ZNF276: variants seen among roughly 807,000 people sequenced by gnomAD.
The protein encoded by ZNF276 is zinc finger protein 276.
ZNF276 carries 59 observed loss-of-function variants against 63.9 expected under a neutral mutation model. The observed-to-expected ratio is 0.92, with a 90% CI of 0.75 to 1.15. The LOEUF (loss-of-function observed/expected upper bound fraction) is 1.15, where lower values mean the gene tolerates loss of function less well. ZNF276 is among the 50% of genes most tolerant of loss of function. The pLI is 0.00. For missense variants in ZNF276, 1,084 were observed against 843.8 expected, an observed-to-expected ratio of 1.28 and a Z score of -3.53; for synonymous variants, 496 against 348.4, an observed-to-expected ratio of 1.42 and a Z score of -4.72.
chr16:89,722,894 T>C (rs1851319193), intron 2 of ZNF276, 60 bp downstream of exon 2: 1 of 1,570,056 alleles, frequency 6.4e-7, no homozygotes, highest in Non-Finnish European at 8.6e-7. Flanking sequence ...TGACGGGTGT[T>C]GAGAGAGGGA....
chr16:89,727,065 G>A (rs112341340), intron 4 of ZNF276, among the ~76,000 whole-genome samples: 4,107 of 152,328 alleles, frequency 0.027, 201 homozygotes, highest in African/African-American at 0.094. Context: ...TCTGATGCTT[G>A]TTGCTGCCTG....
At position 89,722,701 on chromosome 16, in the gene ZNF276, C is replaced by A. The variant is rs149625581; in HGVS notation, c.376C>A (p.Arg126Ser). The A allele has an allele frequency of 6.2e-7, 1 of 1,612,364 alleles. No homozygotes were observed. Among genetic ancestry groups the A allele is most frequent in the South Asian group, 1.1e-5 (1 of 91,088 alleles). Residue 126 changes from arginine (R) to serine (S), a missense_variant, in exon 2 of 11, where the codon CGC becomes AGC. Physicochemically the swap from Arg to Ser is moderately radical, Grantham distance 110. Coordinates refer to ENST00000443381, the MANE Select transcript of ZNF276 (RefSeq NM_001113525.2). ...DFQRLLGVAV[R>S]QDPTLSPFVC... The stretch of plus-strand genomic sequence containing the variant: ...CCAGCGCCTGCTTGGTGTGGCTGTC[C>A]GCCAGGACCCCACCTTGTCTCCGTT...
chr16:89,727,564 G>T (rs997743595), intron 5 of ZNF276, among the ~76,000 whole-genome samples: 1 of 152,172 alleles, frequency 6.6e-6, no homozygotes, highest in Non-Finnish European at 1.5e-5. Flanking sequence ...GTTGGGACAC[G>T]CCTCCTCTCG....
rs1485318540 is a variant in ZNF276, at chr16:89,725,134, C to T, written c.1006+1425C>T. 8.2e-4 allele frequency among the ~76,000 whole-genome samples: 110 copies of T among 133,932 alleles called. No homozygotes were observed. In the Middle Eastern group the frequency reaches 0.023, roughly 28 times the overall value. The allele number at this position is 133,932 out of a possible 152,430, so 87.9% of individuals were successfully genotyped here. ...TCACCATGTGGGCCAGGCTTGGTCT[C>T]GAACTCCTGACCTCGTGATCCACCT... On this transcript the variant is annotated intron_variant, in intron 4 of 10. Transcript: ENST00000443381.
intron 4 of ZNF276, among the ~76,000 whole-genome samples, chr16:89,726,011 G>A (rs953526244): frequency 2.0e-5 from 3 of 152,030 alleles, no homozygotes; most frequent in South Asian, 2.1e-4. Flanking sequence ...AGGCCTGGCC[G>A]AGAGAACAGT....
intron 6 of ZNF276, 119 bp downstream of exon 6, chr16:89,729,437 G>A (rs537081606): frequency 4.9e-5 from 45 of 909,490 alleles, no homozygotes; most frequent in East Asian, 2.0e-4. Flanking sequence ...CGGATCTCCC[G>A]AGCCCAGTGA....
intron 9 of ZNF276, 127 bp from the exon 10 acceptor site, chr16:89,737,679 G>T (rs762137538): frequency 1.2e-5 from 18 of 1,533,918 alleles, no homozygotes; most frequent in Non-Finnish European, 1.5e-5. Context: ...CCCTTGCTTG[G>T]GCCCACTGCA....
chr16:89,725,306 C>T (rs1038189653), intron 4 of ZNF276, among the ~76,000 whole-genome samples: 2 of 151,316 alleles, frequency 1.3e-5, no homozygotes, highest in South Asian at 2.1e-4. Flanking sequence ...CTCAGCCTCC[C>T]GAGTAGCTGG....
rs1419009853 is a variant in ZNF276 at position 89,739,420 on chromosome 16, T to C, written c.*1174T>C. The C allele has an allele frequency of 6.4e-7, 1 of 1,553,478 alleles. No homozygotes were observed. Among genetic ancestry groups the C allele is most frequent in the African/African-American group, 1.4e-5 (1 of 73,414 alleles). On this transcript the variant is annotated 3_prime_UTR_variant, in exon 11 of 11. Coordinates refer to ENST00000443381, the MANE Select transcript of ZNF276 (RefSeq NM_001113525.2). ...CCCATCTGGCGGGACCCAGAGGTGC[T>C]GAGATGGGGGTCTGGGAAACACTGC...
In ZNF276 at chr16:89,738,795, G is replaced by C; in HGVS notation, c.*549G>C. ...GGGCTCTGGCAGAAATAGTCGAGTT[G>C]TATTGCCAGCCAGGCAGGCACATGG... On this transcript the variant is annotated 3_prime_UTR_variant, in exon 11 of 11. Coordinates refer to ENST00000443381, the MANE Select transcript of ZNF276 (RefSeq NM_001113525.2). 3 of 1,613,382 alleles carry C rather than the reference G, an allele frequency of 1.9e-6. No individual in the cohort carries two copies. The highest frequency in any genetic ancestry group is 2.5e-6 in the Non-Finnish European group (3 of 1,179,720).
intron 4 of ZNF276, 76 bp from the exon 5 acceptor site, chr16:89,727,203 A>T: frequency 7.0e-7 from 1 of 1,435,728 alleles, no homozygotes; most frequent in Non-Finnish European, 9.8e-7. Flanking sequence ...CATCAATAGT[A>T]GAATCATGCC....
At chr16:89,737,179 T>C (rs575457083) in intron 9 of ZNF276, among the ~76,000 whole-genome samples, 3 of 152,256 alleles carry the variant, frequency 2.0e-5, no homozygotes, top group African/African-American at 7.2e-5. Context: ...AGAACAGCCA[T>C]AGCTGTGACA....
chr16:89,721,172 C>G (rs2061256971), upstream of ZNF276: 1 of 250,028 alleles, frequency 4.0e-6, no homozygotes, highest in South Asian at 1.6e-4. Flanking sequence ...AGGCCCCTCT[C>G]TACGTGAGAC....
intron 6 of ZNF276, chr16:89,732,947 A>C (rs528318791): frequency 1.5e-5 from 4 of 273,512 alleles, no homozygotes; most frequent in African/African-American, 3.5e-5. Context: ...CTGCGCCCTC[A>C]TCCTCTGCTG....
chr16:89,720,946 G>A (rs2061249238), upstream of ZNF276: 4 of 1,185,626 alleles, frequency 3.4e-6, no homozygotes, highest in Non-Finnish European at 4.2e-6. Context: ...GCTGGTGCTG[G>A]AGCCGCCCGA....
chr16:89,735,875 G>T (rs554724543), intron 9 of ZNF276, among the ~76,000 whole-genome samples: 1 of 140,386 alleles, frequency 7.1e-6, no homozygotes, highest in African/African-American at 2.7e-5. Flanking sequence ...CCACCACGCC[G>T]GGGGTGTTTT....
intron 9 of ZNF276, among the ~76,000 whole-genome samples, chr16:89,734,706 T>G (rs2061791501): frequency 6.6e-6 from 1 of 152,078 alleles, no homozygotes; most frequent in South Asian, 2.1e-4. Context: ...GGGAGGCACG[T>G]GTGGTTCTGC....
chr16:89,721,996 C>T (rs966678163), intron 1 of ZNF276, among the ~76,000 whole-genome samples, 151 bp downstream of exon 1: 2 of 152,096 alleles, frequency 1.3e-5, no homozygotes, highest in African/African-American at 4.8e-5. Context: ...AGGCGCTGGG[C>T]GGCCGGCTCG....
chr16:89,720,603 G>C, upstream of ZNF276: 1 of 1,226,760 alleles, frequency 8.2e-7, no homozygotes, highest in Non-Finnish European at 1.0e-6. Context: ...GCCCGGCTGC[G>C]CCCCGCCCCC....
Sources: allele counts gnomAD v4.1 joint callset (sites outside exome capture counted in the v4.1 genomes callset), GRCh38; gene constraint gnomAD v4.1.1; transcripts MANE v1.5; gene names NCBI Gene and HGNC (gene_info 2026-07-23, HGNC 2026-07-21).